The following EVC2 variants were observed in gnomAD, a reference collection of about 807,000 sequenced individuals.
EVC2 encodes EvC ciliary complex subunit 2.
A neutral mutation model predicts 149.3 loss-of-function variants in EVC2; 148 were observed. That is an observed-to-expected ratio of 0.99 (90% confidence interval 0.87 to 1.14). The LOEUF (loss-of-function observed/expected upper bound fraction) is 1.14, where lower values mean the gene tolerates loss of function less well. EVC2 is among the 50% of genes most tolerant of loss of function. EVC2 has a pLI of 0.00. For missense variants in EVC2, 1,854 were observed against 1,627.3 expected (o/e 1.14, Z -2.40); for synonymous variants, 776 against 649.9 (o/e 1.19, Z -2.95).
chr4:5,638,104 A>T (rs1344989203), intron 10 of EVC2, among the ~76,000 whole-genome samples: 2 of 152,082 alleles, frequency 1.3e-5, no homozygotes, highest in Non-Finnish European at 2.9e-5. Flanking sequence ...GTAAAAAAAA[A>T]TTGGCCATGC....
At chr4:5,700,562 A>G (rs554872574) in intron 1 of EVC2, among the ~76,000 whole-genome samples, 2 of 152,290 alleles carry the variant, frequency 1.3e-5, no homozygotes, top group South Asian at 2.1e-4. Flanking sequence ...GCAGGTTCCC[A>G]GGGAGCAAAG....
intron 10 of EVC2, 89 bp from the exon 11 acceptor site, chr4:5,632,121 G>A: frequency 6.6e-7 from 1 of 1,506,142 alleles, no homozygotes; most frequent in Non-Finnish European, 9.1e-7. Flanking sequence ...AGGCACATGT[G>A]CACACACAAT....
intron 16 of EVC2, among the ~76,000 whole-genome samples, chr4:5,586,802 TATTG>T (rs1712321866): frequency 6.6e-6 from 1 of 152,236 alleles, no homozygotes; most frequent in Non-Finnish European, 1.5e-5. Context: ...ATCTTACATG[TATTG>T]ATTGATGTCT....
chr4:5,539,619 T>A (rs1342956759), downstream of EVC2, among the ~76,000 whole-genome samples: 1 of 152,194 alleles, frequency 6.6e-6, no homozygotes, highest in Non-Finnish European at 1.5e-5. Flanking sequence ...GAGAGATATA[T>A]AAATACACTC....
At chr4:5,632,117 A>T (rs1175943290) in intron 10 of EVC2, 85 bp from the exon 11 acceptor site, 4 of 1,549,978 alleles carry the variant, frequency 2.6e-6, no homozygotes, top group Non-Finnish European at 3.5e-6. Context: ...GTACAGGCAC[A>T]TGTGCACACA....
intron 7 of EVC2, among the ~76,000 whole-genome samples, chr4:5,673,865 T>C (rs933111491): frequency 6.6e-6 from 1 of 152,232 alleles, no homozygotes. Context: ...TGGTTCTCCC[T>C]GCTGGTGGGA....
intron 21 of EVC2, among the ~76,000 whole-genome samples, chr4:5,557,430 A>AG (rs1485783147): frequency 6.6e-6 from 1 of 152,180 alleles, no homozygotes; most frequent in East Asian, 1.9e-4. Flanking sequence ...AAAATACATA[A>AG]AAAACCTATA....
At chr4:5,699,505 C>A (rs754026437) in intron 1 of EVC2, among the ~76,000 whole-genome samples, 8 of 152,122 alleles carry the variant, frequency 5.3e-5, no homozygotes, top group Non-Finnish European at 1.2e-4. Context: ...TTCACAGCAG[C>A]ATTATTCACA....
At chr4:5,652,371 CG>C (rs1560197741) in intron 9 of EVC2, among the ~76,000 whole-genome samples, 12 of 152,128 alleles carry the variant, frequency 7.9e-5, no homozygotes, top group African/African-American at 2.9e-4. Flanking sequence ...AATGGATTTC[CG>C]GTTAAGGACA....
chr4:5,652,216 G>A (rs560006417), intron 9 of EVC2, among the ~76,000 whole-genome samples: 1 of 152,228 alleles, frequency 6.6e-6, no homozygotes, highest in Non-Finnish European at 1.5e-5. Context: ...TGATGAGGTG[G>A]TAAGAGGTGG....
intron 1 of EVC2, among the ~76,000 whole-genome samples, chr4:5,707,366 C>A (rs557344220): frequency 6.6e-6 from 1 of 152,116 alleles, no homozygotes; most frequent in Non-Finnish European, 1.5e-5. Flanking sequence ...CACAGCAGGA[C>A]ACGACCCACC....
Position 5,628,573 on chromosome 4 carries a change from A to G in EVC2, c.1872T>C (p.Ile624=). ...STAAAQLTHL[I]QKHERAGYLD... is the part of the protein sequence containing the mutation. ...TTGAGTGGTACCTCTCGTGCTTCTG[A>G]ATGAGGTGAGTCAGCTGGGCTGCAG... Residue 624 remains isoleucine, a synonymous_variant, in exon 12 of 22, where the codon ATT becomes ATC. Transcript: ENST00000344408. 1 of 1,614,098 alleles carries G rather than the reference A, an allele frequency of 6.2e-7. No homozygotes were observed. Among genetic ancestry groups the G allele is most frequent in the Non-Finnish European group, 8.5e-7 (1 of 1,180,014 alleles).
At chr4:5,684,994 T>C (rs187924104) in intron 6 of EVC2, among the ~76,000 whole-genome samples, 38 of 152,360 alleles carry the variant, frequency 2.5e-4, no homozygotes, top group Admixed American at 9.8e-4. Context: ...TACATTTCTG[T>C]TGTTTTTAAG....
Position 5,640,780 on chromosome 4 carries a change from T to G in EVC2, c.1204A>C (p.Ile402Leu), listed in dbSNP as rs759236487. ...DADLEACRTQ[I>L]SKDIIALLLK... The stretch of plus-strand genomic sequence containing the variant: ...AGAAGGGCAATGATATCCTTGCTGA[T>G]TTGTGTTCGACAAGCCTCCAGATCT... Residue 402 changes from isoleucine to leucine, a missense_variant, in exon 10 of 22, where the codon ATC (isoleucine) becomes CTC (leucine). By Grantham distance (5) the Ile-to-Leu change is conservative. Transcript: ENST00000344408. The surrounding 1 kb of genome is among the most constrained non-coding windows in gnomAD (Gnocchi z 4.6). 3.7e-6 allele frequency: 6 copies of G among 1,614,192 alleles called. No individual in the cohort carries two copies. In the South Asian group the frequency reaches 6.6e-5, roughly 18 times the overall value.
At position 5,618,324 on chromosome 4, in the gene EVC2, C is replaced by A. The variant is rs1427920436; in HGVS notation, c.2706+154G>T. On this transcript the variant is annotated intron_variant, in intron 15 of 21. Transcript: ENST00000344408. This position sits in a 1 kb window ranked among gnomAD's most constrained non-coding sequence, Gnocchi z 4.4. Reference sequence around the variant, plus strand: ...AAAGTTGGGACAGCCCTGGAGATTCCTGGAATAGCTGGACACCAATGCAGC... The same window carrying A: ...AAAGTTGGGACAGCCCTGGAGATTCATGGAATAGCTGGACACCAATGCAGC... 6.6e-6 allele frequency among the ~76,000 whole-genome samples: 1 copy of A among 152,126 alleles called. No individual in the cohort carries two copies. Among genetic ancestry groups the A allele is most frequent in the Admixed American group, 6.5e-5 (1 of 15,274 alleles).
intron 16 of EVC2, among the ~76,000 whole-genome samples, chr4:5,596,446 G>T (rs973231000): frequency 6.6e-6 from 1 of 152,136 alleles, no homozygotes; most frequent in African/African-American, 2.4e-5. Flanking sequence ...CAGGGAAACT[G>T]AACAACCTGC....
At chr4:5,549,039 C>T (rs1721681720) in intron 21 of EVC2, among the ~76,000 whole-genome samples, 1 of 143,358 alleles carries the variant, frequency 7.0e-6, no homozygotes, top group Non-Finnish European at 1.5e-5. Flanking sequence ...AGGCTGGGTA[C>T]TATCATTTAA....
rs765883164 is a variant in EVC2, at chr4:5,622,673, C to T, written c.2365G>A (p.Glu789Lys). ...TCCCTCTCCTCCCCCTCCAGCTGCT[C>T]GGCCCGTGCAGCCATCTCCTTGCCG... Reference protein sequence around the residue: ...EHGKEMAARAEQLEGEERDRD... With the variant: ...EHGKEMAARAKQLEGEERDRD... The change falls in exon 14 of 22, where the codon GAG becomes AAG. Residue 789 changes from glutamate (E) to lysine (K), a missense_variant. By Grantham distance (56) the Glu-to-Lys change is moderately conservative (BLOSUM62 1). Coordinates refer to ENST00000344408, the MANE Select transcript of EVC2 (RefSeq NM_147127.5). The surrounding 1 kb of genome is among the most constrained non-coding windows in gnomAD (Gnocchi z 5.8). The T allele has an allele frequency of 3.2e-5, 51 of 1,613,990 alleles. No homozygotes were observed. The highest frequency in any genetic ancestry group is 4.1e-5 in the Non-Finnish European group (48 of 1,180,044).
intron 6 of EVC2, among the ~76,000 whole-genome samples, chr4:5,684,517 G>A (rs1720559901): frequency 6.6e-6 from 1 of 152,184 alleles, no homozygotes; most frequent in African/African-American, 2.4e-5. Flanking sequence ...ATGACAAAAG[G>A]AAGCAGAGCA....
Sources: allele counts gnomAD v4.1 joint callset (sites outside exome capture counted in the v4.1 genomes callset), GRCh38; gene constraint gnomAD v4.1.1; non-coding constraint Gnocchi (gnomAD v3.1); transcripts MANE v1.5; gene names NCBI Gene and HGNC (gene_info 2026-07-23, HGNC 2026-07-21).